The following GRAMD1B variants were observed in gnomAD, a reference collection of about 807,000 sequenced individuals.
The protein encoded by GRAMD1B is GRAM domain containing 1B, also known as protein Aster-B.
GRAMD1B carries 37 observed loss-of-function variants against 99.7 expected under a neutral mutation model. That is an observed-to-expected ratio of 0.37 (90% confidence interval 0.29 to 0.49). The LOEUF is 0.49. Ranked by LOEUF, GRAMD1B falls within the 20% of genes least tolerant of loss-of-function variation. The probability of loss-of-function intolerance (pLI) is 0.98; values close to 1 mark genes in which losing one functional copy is unlikely to be tolerated. For missense variants in GRAMD1B, 888 were observed against 1,009.2 expected, an observed-to-expected ratio of 0.88 and a Z score of 1.63; for synonymous variants, 427 against 387.6, an observed-to-expected ratio of 1.10 and a Z score of -1.19.
intron 1 of GRAMD1B, among the ~76,000 whole-genome samples, chr11:123,422,595 C>G (rs1473711852): frequency 6.6e-6 from 1 of 152,184 alleles, no homozygotes; most frequent in East Asian, 1.9e-4. Context: ...GTTTTTAAAA[C>G]TTTTTCATTA....
intron 1 of GRAMD1B, among the ~76,000 whole-genome samples, chr11:123,360,329 A>G (rs1946096339): frequency 1.3e-5 from 2 of 152,130 alleles, no homozygotes; most frequent in Non-Finnish European, 2.9e-5. Context: ...CCTTCACTGC[A>G]GCTTAGAGCT....
chr11:123,548,170 G>A (rs115141551), intron 2 of GRAMD1B, among the ~76,000 whole-genome samples: 5 of 151,556 alleles, frequency 3.3e-5, no homozygotes, highest in African/African-American at 4.9e-5. Flanking sequence ...GCTTGTGCCC[G>A]TGGGTGAGTC....
intron 18 of GRAMD1B, 87 bp from the exon 19 acceptor site, chr11:123,619,020 C>G (rs1954797902): frequency 1.3e-6 from 1 of 759,042 alleles, no homozygotes; most frequent in Non-Finnish European, 2.2e-6. Flanking sequence ...TCTGATGTGA[C>G]TCTCTGTCCT....
Position 123,610,416 on chromosome 11 carries a change from A to G in GRAMD1B, c.1919+78A>G. 3 of 1,447,232 alleles carry G rather than the reference A, an allele frequency of 2.1e-6. No individual in the cohort carries two copies. The highest frequency in any genetic ancestry group is 1.9e-6 in the Non-Finnish European group (2 of 1,034,540). The allele number at this position is 1,447,232 out of a possible 1,614,324, so 89.6% of individuals were successfully genotyped here. On this transcript the variant is annotated intron_variant, in intron 14 of 19. Transcript: ENST00000635736. This position sits in a 1 kb window ranked among gnomAD's most constrained non-coding sequence, Gnocchi z 4.1. ...AACATTCATTTGCTCCTGACGGGGA[A>G]GGAGGAGGTGGGGAGTGCTTGGCTG...
intron 2 of GRAMD1B, among the ~76,000 whole-genome samples, chr11:123,527,706 C>G (rs1368664109): frequency 6.6e-6 from 1 of 152,154 alleles, no homozygotes; most frequent in Non-Finnish European, 1.5e-5. Flanking sequence ...CCAAGAAAAG[C>G]CCAGGTGCTG....
rs1191880391 is a variant in GRAMD1B at position 123,610,247 on chromosome 11, G to A, written c.1828G>A (p.Val610Ile). 6.2e-7 allele frequency: 1 copy of A among 1,613,728 alleles called. No homozygotes were observed. The highest frequency in any genetic ancestry group is 8.5e-7 in the Non-Finnish European group (1 of 1,179,756). ...TGAATGTTACGTGATAGATGCCGAA[G>A]TCCTCACCCACGACGTGCCCTACCA... ...ESECYVIDAE[V>I]LTHDVPYHDY... The change falls in exon 14 of 20, where the codon GTC becomes ATC. Residue 610 changes from valine to isoleucine, a missense_variant. By Grantham distance (29) the Val-to-Ile change is conservative. Around this residue, in one of 5 missense-constraint regions of GRAMD1B, gnomAD observed 92 missense variants for 156.9 expected, o/e 0.59. Transcript: ENST00000635736. The surrounding 1 kb of genome is among the most constrained non-coding windows in gnomAD (Gnocchi z 4.1).
chr11:123,384,586 A>G (rs1309078529), intron 1 of GRAMD1B, among the ~76,000 whole-genome samples: 3 of 152,214 alleles, frequency 2.0e-5, no homozygotes, highest in Non-Finnish European at 2.9e-5. Context: ...TCAGGAGAGC[A>G]GGGGTTTTAT....
At chr11:123,417,727 A>G (rs141371320) in intron 1 of GRAMD1B, among the ~76,000 whole-genome samples, 3,438 of 152,276 alleles carry the variant, frequency 0.023, 52 homozygotes, top group African/African-American at 0.042. Context: ...ACTTGAGGTC[A>G]GGAGTTCGAG....
chr11:123,534,576 G>C (rs567496394), intron 2 of GRAMD1B, among the ~76,000 whole-genome samples: 2 of 152,002 alleles, frequency 1.3e-5, no homozygotes, highest in Non-Finnish European at 2.9e-5. Context: ...CAAGAGAGAC[G>C]AGCAGGCCTG....
At chr11:123,485,971 C>T (rs1346263784) in intron 2 of GRAMD1B, among the ~76,000 whole-genome samples, 1 of 152,210 alleles carries the variant, frequency 6.6e-6, no homozygotes, top group Non-Finnish European at 1.5e-5. Flanking sequence ...CTGCCTCTGT[C>T]TCCCAAAGTG....
chr11:123,412,772 TA>T (rs1000532594), intron 1 of GRAMD1B, among the ~76,000 whole-genome samples: 3 of 151,674 alleles, frequency 2.0e-5, no homozygotes, highest in Admixed American at 1.3e-4. Context: ...CATTTTTTAA[TA>T]AAAAAAAACT....
chr11:123,432,307 A>G (rs1948932421), intron 1 of GRAMD1B, among the ~76,000 whole-genome samples: 2 of 152,158 alleles, frequency 1.3e-5, no homozygotes, highest in South Asian at 4.1e-4. Context: ...CTGTAATCCC[A>G]GCACTTTGGG....
In GRAMD1B at chr11:123,532,032, C is replaced by T. The variant is rs376304410; in HGVS notation, c.453-45335C>T. ...GATTACAGGCGTGAGCCACCACGCC[C>T]GTCCTGTTTATTAATTCTTAATGCT... On this transcript the variant is annotated intron_variant, in intron 2 of 19. Coordinates refer to ENST00000635736, the MANE Select transcript of GRAMD1B (RefSeq NM_001387025.1). Among the ~76,000 whole-genome samples, 404 of 152,196 alleles carry T rather than the reference C, an allele frequency of 2.7e-3. 4 individuals are homozygous for T. Among genetic ancestry groups the T allele is most frequent in the African/African-American group, 9.2e-3 (381 of 41,532 alleles).
intron 2 of GRAMD1B, among the ~76,000 whole-genome samples, chr11:123,573,831 G>T (rs552964083): frequency 3.0e-4 from 46 of 152,206 alleles, no homozygotes; most frequent in African/African-American, 1.1e-3. Context: ...TTGATATTCG[G>T]AATTGGTAAA....
intron 1 of GRAMD1B, among the ~76,000 whole-genome samples, chr11:123,467,416 T>TTA (rs1555127430): frequency 0.025 from 3,448 of 139,350 alleles, 106 homozygotes; most frequent in South Asian, 0.046. Context: ...TTTTTTTTTT[T>TTA]ACTGACTTTC....
rs144404844 is a variant in GRAMD1B, at chr11:123,402,831, A to G, written c.-176+44032A>G. Among the ~76,000 whole-genome samples, 426 of 152,226 alleles carry G rather than the reference A, an allele frequency of 2.8e-3. 1 individual carries two copies. Among genetic ancestry groups the G allele is most frequent in the African/African-American group, 1.0e-2 (415 of 41,530 alleles). ...TTATTATTATTATTTATTATAGTTTACACTGTTGGTGGGTGTGTAAATTAT... is the reference window on the plus strand; with the variant it reads ...TTATTATTATTATTTATTATAGTTTGCACTGTTGGTGGGTGTGTAAATTAT... On this transcript the variant is annotated intron_variant, in intron 1 of 20. Transcript: ENST00000638157.
At chr11:123,544,099 T>C (rs1254628501) in intron 2 of GRAMD1B, among the ~76,000 whole-genome samples, 1 of 152,256 alleles carries the variant, frequency 6.6e-6, no homozygotes, top group Non-Finnish European at 1.5e-5. Context: ...ATGGCATTAT[T>C]TGCAAGATGA....
chr11:123,619,064 G>C, intron 18 of GRAMD1B, 43 bp from the exon 19 acceptor site: 1 of 1,116,044 alleles, frequency 9.0e-7, no homozygotes, highest in Non-Finnish European at 1.3e-6. Flanking sequence ...AGTTCGCTGA[G>C]CATAACTCCA....
intron 1 of GRAMD1B, among the ~76,000 whole-genome samples, chr11:123,425,015 C>A (rs993784676): frequency 2.0e-5 from 3 of 152,196 alleles, no homozygotes; most frequent in African/African-American, 4.8e-5. Context: ...ATTTATGGAG[C>A]ACTTACTGTG....
Sources: allele counts gnomAD v4.1 joint callset (sites outside exome capture counted in the v4.1 genomes callset), GRCh38; gene constraint gnomAD v4.1.1; regional missense constraint gnomAD v4.1.1; non-coding constraint Gnocchi (gnomAD v3.1); transcripts MANE v1.5; gene names NCBI Gene and HGNC (gene_info 2026-07-23, HGNC 2026-07-21).